Variants in PRR16 observed in about 807,000 individuals in gnomAD.
PRR16 encodes the protein protein Largen.
PRR16 carries 6 observed loss-of-function variants against 18.2 expected under a neutral mutation model. The ratio of observed to expected loss-of-function variants is 0.33; its 90% CI spans 0.18 to 0.65. The LOEUF (loss-of-function observed/expected upper bound fraction) is 0.65, where lower values mean the gene tolerates loss of function less well. Among genes scored for constraint, PRR16 ranks in the 30% least tolerant of loss-of-function variants. The pLI, the probability that PRR16 is intolerant of heterozygous loss-of-function variation, is 0.74. For missense variants in PRR16, 412 were observed against 376.6 expected, an observed-to-expected ratio of 1.09 and a Z score of -0.78; for synonymous variants, 151 against 147.8, an observed-to-expected ratio of 1.02 and a Z score of -0.16.
intron 1 of PRR16, among the ~76,000 whole-genome samples, chr5:120,551,805 A>G (rs1752263004): frequency 6.6e-6 from 1 of 151,968 alleles, no homozygotes; most frequent in African/African-American, 2.4e-5. Context: ...ACTAGAGAGA[A>G]GATACTAGTA....
chr5:120,772,878 T>C, the PRR16 span, among the ~76,000 whole-genome samples: 4 of 152,118 alleles, frequency 2.6e-5, no homozygotes, highest in African/African-American at 9.7e-5. Context: ...CATGAAGATT[T>C]TACTTTATCT....
chr5:120,748,724 A>G, the PRR16 span, among the ~76,000 whole-genome samples: 1 of 152,102 alleles, frequency 6.6e-6, no homozygotes, highest in Non-Finnish European at 1.5e-5. Context: ...CAGATAGATA[A>G]ATGAGATGTC....
At chr5:120,699,895 G>T in the PRR16 span, among the ~76,000 whole-genome samples, 1 of 152,202 alleles carries the variant, frequency 6.6e-6, no homozygotes, top group African/African-American at 2.4e-5. Flanking sequence ...TGCCGAGATA[G>T]GTAACAGATG....
chr5:120,775,233 T>C, the PRR16 span, among the ~76,000 whole-genome samples: 1 of 152,304 alleles, frequency 6.6e-6, no homozygotes, highest in African/African-American at 2.4e-5. Context: ...ACATTTATTA[T>C]TTTGCATAAT....
chr5:120,636,950 A>G (rs1187601055), intron 1 of PRR16, among the ~76,000 whole-genome samples: 2 of 152,110 alleles, frequency 1.3e-5, no homozygotes, highest in African/African-American at 2.4e-5. Flanking sequence ...CAAGAAAAAA[A>G]TCCAATCAAA....
At chr5:120,517,559 G>A (rs536801965) in intron 1 of PRR16, among the ~76,000 whole-genome samples, 1 of 152,218 alleles carries the variant, frequency 6.6e-6, no homozygotes, top group Non-Finnish European at 1.5e-5. Flanking sequence ...ATTTGATGTT[G>A]ATAAAAATGT....
intron 1 of PRR16, among the ~76,000 whole-genome samples, chr5:120,640,240 C>T (rs985950874): frequency 3.3e-5 from 5 of 152,008 alleles, no homozygotes; most frequent in African/African-American, 1.2e-4. Context: ...CCTCGTACCT[C>T]AGCAACACAC....
At chr5:120,485,228 A>G (rs1358944717) in intron 1 of PRR16, among the ~76,000 whole-genome samples, 1 of 152,166 alleles carries the variant, frequency 6.6e-6, no homozygotes, top group Admixed American at 6.6e-5. Context: ...TGGATTTAAA[A>G]GTATTTCCCT....
chr5:120,627,351 A>G (rs1754901747), intron 1 of PRR16, among the ~76,000 whole-genome samples: 1 of 152,140 alleles, frequency 6.6e-6, no homozygotes. Context: ...AATTCTGTAC[A>G]GCCATAGTAG....
At chr5:120,641,884 T>C (rs1755435588) in intron 1 of PRR16, among the ~76,000 whole-genome samples, 1 of 152,100 alleles carries the variant, frequency 6.6e-6, no homozygotes, top group Non-Finnish European at 1.5e-5. Context: ...TCAAATCCAG[T>C]ATGTCAAGAA....
intron 1 of PRR16, among the ~76,000 whole-genome samples, chr5:120,585,552 G>C (rs1753412115): frequency 6.6e-6 from 1 of 151,704 alleles, no homozygotes; most frequent in Non-Finnish European, 1.5e-5. Flanking sequence ...CCAGGAATTG[G>C]AGGATGCAGT....
intron 1 of PRR16, among the ~76,000 whole-genome samples, chr5:120,474,520 T>G (rs1158213024): frequency 6.6e-6 from 1 of 152,156 alleles, no homozygotes; most frequent in African/African-American, 2.4e-5. Context: ...CTACCTACCT[T>G]TTTCTTTCTT....
At chr5:120,516,484 G>GACACACACACAC (rs149936115) in intron 1 of PRR16, among the ~76,000 whole-genome samples, 283 of 136,492 alleles carry the variant, frequency 2.1e-3, no homozygotes, top group African/African-American at 4.2e-3. Flanking sequence ...AGGAGGGAAG[G>GACACACACACAC]ACACACACAC....
chr5:120,624,332 A>G (rs75403381), intron 1 of PRR16, among the ~76,000 whole-genome samples: 1,538 of 152,272 alleles, frequency 0.01, 40 homozygotes, highest in African/African-American at 0.036. Flanking sequence ...TTTGAAAGAG[A>G]CCTCTTCCTG....
At chr5:120,499,717 T>C (rs1214889016) in intron 1 of PRR16, among the ~76,000 whole-genome samples, 1 of 152,174 alleles carries the variant, frequency 6.6e-6, no homozygotes, top group Non-Finnish European at 1.5e-5. Context: ...ACAGCTGCTT[T>C]AAAACCTTTG....
At chr5:120,483,047 G>A (rs754030137) in intron 1 of PRR16, among the ~76,000 whole-genome samples, 17 of 152,240 alleles carry the variant, frequency 1.1e-4, no homozygotes, top group South Asian at 2.1e-4. Context: ...TAAATCAACC[G>A]TGACATTTCA....
intron 1 of PRR16, among the ~76,000 whole-genome samples, chr5:120,619,677 AT>A (rs2112818915): frequency 6.6e-6 from 1 of 152,280 alleles, no homozygotes; most frequent in Non-Finnish European, 1.5e-5. Flanking sequence ...CTAAGAATCT[AT>A]ATTAAAATAT....
intron 1 of PRR16, among the ~76,000 whole-genome samples, chr5:120,515,700 G>T (rs922422281): frequency 6.6e-6 from 1 of 152,086 alleles, no homozygotes; most frequent in Non-Finnish European, 1.5e-5. Context: ...TATGTATGTG[G>T]ATATTTATTC....
chr5:120,785,694 T>C, the PRR16 span, among the ~76,000 whole-genome samples: 1 of 150,800 alleles, frequency 6.6e-6, no homozygotes, highest in Non-Finnish European at 1.5e-5. Flanking sequence ...TGCCTCAGCC[T>C]TCTCAGTAGC....
Sources: gnomAD v4.1 joint callset for allele counts (sites outside exome capture counted in the v4.1 genomes callset) on GRCh38, gnomAD v4.1.1 for gene constraint, MANE v1.5 for transcripts, NCBI Gene and HGNC (gene_info 2026-07-23, HGNC 2026-07-21) for gene names.